Variants in CSPP1 observed in about 807,000 individuals in gnomAD.
CSPP1 encodes the protein centrosome and spindle pole-associated protein 1.
A neutral mutation model predicts 164.4 loss-of-function variants in CSPP1; 126 were observed. The ratio of observed to expected loss-of-function variants is 0.77; its 90% CI spans 0.66 to 0.89. CSPP1 has a LOEUF of 0.89. CSPP1 is among the 40% of genes least tolerant of loss of function. CSPP1 has a pLI of 0.00. For missense variants in CSPP1, 1,395 were observed against 1,449.8 expected (o/e 0.96, Z 0.61); for synonymous variants, 472 against 476.7 (o/e 0.99, Z 0.13).
At chr8:67,177,996 A>G (rs1184772703) in intron 27 of CSPP1, among the ~76,000 whole-genome samples, 1 of 152,214 alleles carries the variant, frequency 6.6e-6, no homozygotes, top group South Asian at 2.1e-4. Flanking sequence ...TAATCTCTTT[A>G]TGCCTCAGCT....
At chr8:67,066,465 T>G (rs890711987) in intron 1 of CSPP1, among the ~76,000 whole-genome samples, 2 of 151,922 alleles carry the variant, frequency 1.3e-5, no homozygotes, top group African/African-American at 4.8e-5. Context: ...CTTTGACACC[T>G]GTTCTAGGTC....
intron 3 of CSPP1, chr8:67,080,872 T>A (rs1194033240): frequency 6.6e-6 from 1 of 152,224 alleles, no homozygotes; most frequent in Non-Finnish European, 1.5e-5. Flanking sequence ...ATATTGCCAA[T>A]CAGCCTCACC....
chr8:67,180,749 A>G (rs890333011), intron 28 of CSPP1, among the ~76,000 whole-genome samples: 2 of 152,152 alleles, frequency 1.3e-5, no homozygotes, highest in African/African-American at 4.8e-5. Flanking sequence ...ATACCTGTGT[A>G]CCTTAATTAT....
At chr8:67,094,119 G>GGAA (rs1812198928) in intron 6 of CSPP1, among the ~76,000 whole-genome samples, 1 of 29,444 alleles carries the variant, frequency 3.4e-5, no homozygotes, top group South Asian at 3.0e-3. Context: ...GACCTGGTCT[G>GGAA]AAAAAAAAAA....
chr8:67,131,900 T>C, intron 15 of CSPP1, 51 bp from the exon 16 acceptor site: 1 of 1,489,970 alleles, frequency 6.7e-7, no homozygotes. Flanking sequence ...TGTATTTTCT[T>C]CTTGCTTTGT....
chr8:67,190,614 T>G, intron 28 of CSPP1, 36 bp from the exon 29 acceptor site: 1 of 1,473,382 alleles, frequency 6.8e-7, no homozygotes, highest in Non-Finnish European at 9.5e-7. Flanking sequence ...TTTGAAGCAG[T>G]ATTAAGACTC....
At chr8:67,076,731 A>C in intron 3 of CSPP1, 150 bp downstream of exon 3, 1 of 477,010 alleles carries the variant, frequency 2.1e-6, no homozygotes, top group Non-Finnish European at 3.7e-6. Context: ...TCTACATATG[A>C]AATAGAACTC....
chr8:67,136,350 T>A (rs1822261918), intron 16 of CSPP1, among the ~76,000 whole-genome samples: 1 of 151,954 alleles, frequency 6.6e-6, no homozygotes, highest in African/African-American at 2.4e-5. Context: ...GGTGGGTGGA[T>A]CAGAGGTCAG....
rs754666899 is a variant in CSPP1, at chr8:67,086,264, T to C, written c.303+154T>C. On this transcript the variant is annotated intron_variant, in intron 4 of 30. Transcript: ENST00000678616. The stretch of plus-strand genomic sequence containing the variant: ...TCAAAGTTAAGTGGCATATATGACA[T>C]TGGTAGAGAAAAAAATATTGCTGAG... 32 of 725,718 alleles carry C rather than the reference T, an allele frequency of 4.4e-5. No homozygotes were observed. In the African/African-American group the frequency reaches 5.1e-4, roughly 12 times the overall value. The allele number at this position is 725,718 out of a possible 1,614,324, so 45.0% of individuals were successfully genotyped here.
intron 24 of CSPP1, among the ~76,000 whole-genome samples, chr8:67,165,578 T>G (rs1383928246): frequency 1.3e-5 from 2 of 152,196 alleles, no homozygotes; most frequent in African/African-American, 4.8e-5. Flanking sequence ...CTTGTGAAAG[T>G]CTAGATGGGC....
intron 29 of CSPP1, 131 bp downstream of exon 29, chr8:67,190,890 TC>T: frequency 1.5e-6 from 1 of 670,982 alleles, no homozygotes. Flanking sequence ...GAATCTAGGC[TC>T]TGCCTTGACT....
intron 3 of CSPP1, chr8:67,084,063 A>G (rs1288146250): frequency 6.6e-6 from 1 of 152,142 alleles, no homozygotes; most frequent in Non-Finnish European, 1.5e-5. Flanking sequence ...TTAGTTTTAT[A>G]TATGATGTTC....
At chr8:67,164,126 A>T (rs1226112706) in intron 23 of CSPP1, among the ~76,000 whole-genome samples, 2 of 152,216 alleles carry the variant, frequency 1.3e-5, no homozygotes, top group African/African-American at 4.8e-5. Flanking sequence ...CCGTAAAGGA[A>T]CTTCCTTGGG....
intron 15 of CSPP1, among the ~76,000 whole-genome samples, chr8:67,119,134 T>C (rs1049478157): frequency 9.2e-5 from 14 of 152,218 alleles, no homozygotes; most frequent in African/African-American, 3.4e-4. Flanking sequence ...AATGTTTATC[T>C]TTTTGTGACT....
At chr8:67,179,773 G>A (rs184241190) in intron 27 of CSPP1, 90 bp from the exon 28 acceptor site, 1,474 of 815,208 alleles carry the variant, frequency 1.8e-3, no homozygotes, top group Non-Finnish European at 2.5e-3. Context: ...AGGGAGAACA[G>A]TGTGGAAACT....
intron 10 of CSPP1, 78 bp from the exon 11 acceptor site, chr8:67,113,727 A>G: frequency 1.4e-6 from 1 of 733,076 alleles, no homozygotes; most frequent in Middle Eastern, 4.0e-4. Context: ...CTTTGTGTAT[A>G]AGCTTCTTTC....
In CSPP1 at chr8:67,118,249, A is replaced by C; in HGVS notation, c.1498A>C (p.Ile500Leu). ...SALGEMVSPR[I>L]APLPPPPLLP... ...TTTTTCATCTTTCTTTTCATACAGGATTGCACCTCTGCCTCCACCTCCCCT... is the reference window on the plus strand; with the variant it reads ...TTTTTCATCTTTCTTTTCATACAGGCTTGCACCTCTGCCTCCACCTCCCCT... Residue 500 changes from isoleucine to leucine, a missense_variant and splice_region_variant, in exon 14 of 31, where the codon ATT becomes CTT. By Grantham distance (5) the Ile-to-Leu change is conservative. Transcript: ENST00000678616. 6.2e-7 allele frequency: 1 copy of C among 1,613,360 alleles called. No individual in the cohort carries two copies. Among genetic ancestry groups the C allele is most frequent in the Non-Finnish European group, 8.5e-7 (1 of 1,179,568 alleles).
rs185869573 is a variant in CSPP1 at position 67,142,883 on chromosome 8, T to A, written c.1975+5280T>A. ...ATTGAAAGTGCAGTGATACCTCATT[T>A]AAAAAAAGCTTTTTCTATTGTGAAA... On this transcript the variant is annotated intron_variant, in intron 17 of 30. Coordinates refer to ENST00000678616, the MANE Select transcript of CSPP1 (RefSeq NM_001382391.1). Among the ~76,000 whole-genome samples, 5 of 152,268 alleles carry A rather than the reference T, an allele frequency of 3.3e-5. No individual in the cohort carries two copies. The East Asian group carries it at 9.6e-4, about 29-fold the overall frequency.
chr8:67,107,011 T>C (rs1474045165), intron 9 of CSPP1, among the ~76,000 whole-genome samples: 1 of 152,016 alleles, frequency 6.6e-6, no homozygotes, highest in Non-Finnish European at 1.5e-5. Flanking sequence ...TTTTTATTTA[T>C]TTATTTTATT....
Sources: allele counts gnomAD v4.1 joint callset (sites outside exome capture counted in the v4.1 genomes callset), GRCh38; gene constraint gnomAD v4.1.1; transcripts MANE v1.5; gene names NCBI Gene and HGNC (gene_info 2026-07-23, HGNC 2026-07-21).